PARVB: variants seen among roughly 807,000 people sequenced by gnomAD.
PARVB encodes the protein beta-parvin.
A neutral mutation model predicts 47.0 loss-of-function variants in PARVB; 46 were observed. That is an observed-to-expected ratio of 0.98 (90% CI 0.77 to 1.25). The LOEUF (loss-of-function observed/expected upper bound fraction) is 1.25. PARVB is among the 50% of genes most tolerant of loss of function. The probability of loss-of-function intolerance (pLI) is 0.00; values close to 1 mark genes in which losing one functional copy is unlikely to be tolerated. For synonymous variants in PARVB, 196 were observed against 196.3 expected (o/e 1.00, Z 0.01); for missense variants, 473 against 471.6 (o/e 1.00, Z -0.03).
rs186907670 is a variant in PARVB at position 44,155,973 on chromosome 22, A to T, written c.844-2009A>T. Among the ~76,000 whole-genome samples, 77 of 152,246 alleles carry T rather than the reference A, an allele frequency of 5.1e-4. 1 individual carries two copies. The East Asian group carries it at 0.012, about 24-fold the overall frequency. On this transcript the variant is annotated intron_variant, in intron 10 of 12. Coordinates refer to ENST00000338758, the MANE Select transcript of PARVB (RefSeq NM_013327.5). The surrounding 1 kb of genome is among the most constrained non-coding windows in gnomAD (Gnocchi z 4.8). The stretch of plus-strand genomic sequence containing the variant: ...CAAGACCAGCCTGACCAACATGGTG[A>T]AACCCCATCTCTACTAAAAATACAA...
upstream of PARVB, among the ~76,000 whole-genome samples, chr22:44,020,119 C>G (rs2050631045): frequency 6.6e-6 from 1 of 151,958 alleles, no homozygotes; most frequent in Non-Finnish European, 1.5e-5. Context: ...CATGGTCCAT[C>G]TGCAGACAGC....
In PARVB at chr22:44,043,978, G is replaced by A. The variant is rs571711148; in HGVS notation, c.112+19527G>A. On this transcript the variant is annotated intron_variant, in intron 1 of 12. Coordinates refer to ENST00000338758, the MANE Select transcript of PARVB (RefSeq NM_013327.5). ...TCACACTGGCCAGGGGCTGGGCTTG[G>A]TGCTGTACGCAGATTGTCTTATTAG... 4.7e-4 allele frequency among the ~76,000 whole-genome samples: 71 copies of A among 152,294 alleles called. 1 individual carries two copies. The highest frequency in any genetic ancestry group is 1.6e-3 in the African/African-American group (68 of 41,568).
intron 1 of PARVB, among the ~76,000 whole-genome samples, chr22:44,040,891 T>A (rs1304469777): frequency 6.6e-6 from 1 of 151,836 alleles, no homozygotes; most frequent in Non-Finnish European, 1.5e-5. Context: ...TAGTCCCAGC[T>A]ACTCGAGAGG....
At chr22:44,119,171 AC>A in intron 4 of PARVB, 31 bp downstream of exon 4, 1 of 1,435,364 alleles carries the variant, frequency 7.0e-7, no homozygotes. Flanking sequence ...GCTCTGTCCC[AC>A]CCCCATCTCC....
At chr22:44,027,561 C>G (rs1354199621) in intron 1 of PARVB, among the ~76,000 whole-genome samples, 2 of 152,182 alleles carry the variant, frequency 1.3e-5, no homozygotes, top group African/African-American at 4.8e-5. Flanking sequence ...CTTTTCTGAG[C>G]AACACATTCA....
chr22:44,032,702 G>T (rs1204393385), intron 1 of PARVB, among the ~76,000 whole-genome samples: 1 of 152,142 alleles, frequency 6.6e-6, no homozygotes, highest in African/African-American at 2.4e-5. Flanking sequence ...AGGCATTGAC[G>T]CAGACACCAG....
At chr22:44,161,454 C>T (rs1167849109) in intron 11 of PARVB, among the ~76,000 whole-genome samples, 2 of 152,038 alleles carry the variant, frequency 1.3e-5, no homozygotes, top group Non-Finnish European at 2.9e-5. Flanking sequence ...GCTGGGATTA[C>T]AGGCACATGC....
chr22:44,052,573 C>A (rs1217823630), intron 1 of PARVB, among the ~76,000 whole-genome samples: 2 of 152,268 alleles, frequency 1.3e-5, no homozygotes, highest in African/African-American at 4.8e-5. Context: ...AATGAATCAA[C>A]TCTGCCTTGG....
intron 1 of PARVB, chr22:44,031,251 C>T (rs1213377496): frequency 6.6e-6 from 1 of 152,144 alleles, no homozygotes; most frequent in Non-Finnish European, 1.5e-5. Flanking sequence ...TCCCTGGAGA[C>T]CATTTTCCAG....
intron 11 of PARVB, among the ~76,000 whole-genome samples, chr22:44,163,588 C>A (rs538704650): frequency 6.6e-6 from 1 of 152,332 alleles, no homozygotes; most frequent in East Asian, 1.9e-4. Flanking sequence ...CGTGAGCCCT[C>A]GAGAGCAGGC....
intron 1 of PARVB, among the ~76,000 whole-genome samples, chr22:44,030,187 A>G (rs924633149): frequency 3.3e-5 from 5 of 152,210 alleles, no homozygotes; most frequent in Non-Finnish European, 7.3e-5. Flanking sequence ...CCCCCCAGCA[A>G]CGCCTGGGCT....
At chr22:44,163,338 C>T (rs1167063292) in intron 11 of PARVB, among the ~76,000 whole-genome samples, 2 of 152,254 alleles carry the variant, frequency 1.3e-5, no homozygotes, top group Middle Eastern at 3.4e-3. Context: ...ATTAGCCGGG[C>T]ACAGTGATGC....
At chr22:44,023,597 T>TAAAAG (rs2050681487), upstream of PARVB, among the ~76,000 whole-genome samples, 2 of 136,378 alleles carry the variant, frequency 1.5e-5, no homozygotes, top group South Asian at 4.7e-4. Flanking sequence ...TAAAATAAAA[T>TAAAAG]AAAATAAAAA....
chr22:44,013,036 A>G (rs1037156535), intron 2 of PARVB, among the ~76,000 whole-genome samples: 1 of 152,008 alleles, frequency 6.6e-6, no homozygotes, highest in East Asian at 1.9e-4. Context: ...AGCTAAGACT[A>G]CAGGCACGCA....
intron 1 of PARVB, among the ~76,000 whole-genome samples, chr22:44,030,540 C>T (rs1048674841): frequency 1.2e-4 from 18 of 151,824 alleles, no homozygotes; most frequent in African/African-American, 3.6e-4. Context: ...CAGGGGTGGC[C>T]GATTTCAGTG....
intron 9 of PARVB, chr22:44,150,871 A>T (rs574173495): frequency 2.6e-5 from 4 of 151,248 alleles, no homozygotes; most frequent in Non-Finnish European, 4.4e-5. Context: ...AAATACAAAA[A>T]AATTAGCTGG....
intron 4 of PARVB, among the ~76,000 whole-genome samples, chr22:44,127,791 T>C (rs887458314): frequency 3.8e-5 from 5 of 132,346 alleles, no homozygotes; most frequent in African/African-American, 1.7e-4. Flanking sequence ...TCTTCTTTTT[T>C]TTTTTTTCTC....
At chr22:44,131,085 CTTT>C in intron 4 of PARVB, among the ~76,000 whole-genome samples, 1 of 115,394 alleles carries the variant, frequency 8.7e-6, no homozygotes, top group Non-Finnish European at 1.7e-5. Flanking sequence ...CTCTTTTTTT[CTTT>C]CTTCTCTCTC....
Position 44,125,934 on chromosome 22 carries a change from A to G in PARVB, c.377-5553A>G, listed in dbSNP as rs1601644336. On this transcript the variant is annotated intron_variant, in intron 4 of 12. Coordinates refer to ENST00000338758, the MANE Select transcript of PARVB (RefSeq NM_013327.5). The surrounding 1 kb of genome is among the most constrained non-coding windows in gnomAD (Gnocchi z 4.1). ...AAGGGCAGACATGGGGAGGTACTGT[A>G]CAGTTAAACTGCCATAGGAACCAAG... is the stretch of plus-strand genomic sequence containing the variant. Among the ~76,000 whole-genome samples the G allele has an allele frequency of 6.6e-6, 1 of 152,280 alleles. No homozygotes were observed. The highest frequency in any genetic ancestry group is 1.5e-5 in the Non-Finnish European group (1 of 68,028).
Sources: allele counts gnomAD v4.1 joint callset (sites outside exome capture counted in the v4.1 genomes callset), GRCh38; gene constraint gnomAD v4.1.1; non-coding constraint Gnocchi (gnomAD v3.1); transcripts MANE v1.5; gene names NCBI Gene and HGNC (gene_info 2026-07-23, HGNC 2026-07-21).